EML6: variants seen among roughly 807,000 people sequenced by gnomAD.
EML6 encodes echinoderm microtubule-associated protein-like 6.
EML6 carries 154 observed loss-of-function variants against 240.1 expected under a neutral mutation model. That is an observed-to-expected ratio of 0.64 (90% confidence interval 0.56 to 0.73). The LOEUF (loss-of-function observed/expected upper bound fraction) is 0.73, where lower values mean the gene tolerates loss of function less well. Ranked by LOEUF, EML6 falls within the 30% of genes least tolerant of loss-of-function variation. EML6 has a pLI of 0.00. For missense variants in EML6, 2,964 were observed against 2,474.6 expected, an observed-to-expected ratio of 1.20 and a Z score of -4.20; for synonymous variants, 1,148 against 899.0, an observed-to-expected ratio of 1.28 and a Z score of -4.95.
chr2:54,896,117 C>A (rs1672750870), intron 21 of EML6, among the ~76,000 whole-genome samples: 1 of 152,160 alleles, frequency 6.6e-6, no homozygotes, highest in Admixed American at 6.5e-5. Context: ...ATGTCCCTAC[C>A]ACATACAGAA....
Position 54,909,331 on chromosome 2 carries a change from C to A in EML6, c.3410-1623C>A, listed in dbSNP as rs1007631875. Reference sequence around the variant, plus strand: ...ATTCTAAATAGTCAAAGATAACTAACTCCCTTTTTTCTTTTCTCACTTACA... The same window carrying A: ...ATTCTAAATAGTCAAAGATAACTAAATCCCTTTTTTCTTTTCTCACTTACA... On this transcript the variant is annotated intron_variant, in intron 24 of 41. Transcript: ENST00000356458. Among the ~76,000 whole-genome samples, 5 of 152,288 alleles carry A rather than the reference C, an allele frequency of 3.3e-5. No homozygotes were observed. The East Asian group carries it at 9.6e-4, about 29-fold the overall frequency.
intron 2 of EML6, among the ~76,000 whole-genome samples, chr2:54,810,776 T>G (rs1374233992): frequency 1.3e-5 from 2 of 152,140 alleles, no homozygotes; most frequent in East Asian, 3.9e-4. Flanking sequence ...TTTAGAGTGA[T>G]GGAAGACAGC....
intron 2 of EML6, among the ~76,000 whole-genome samples, chr2:54,736,016 C>T (rs1047569577): frequency 1.2e-4 from 18 of 152,184 alleles, no homozygotes; most frequent in African/African-American, 4.3e-4. Flanking sequence ...AGGGCAGGAA[C>T]AGCTTATGCA....
intron 30 of EML6, among the ~76,000 whole-genome samples, chr2:54,951,499 C>A (rs541564411): frequency 6.6e-6 from 1 of 151,446 alleles, no homozygotes; most frequent in African/African-American, 2.4e-5. Context: ...GAGCCAAGAT[C>A]GCGCCATTGC....
chr2:54,887,196 T>G (rs1672195122), intron 17 of EML6, among the ~76,000 whole-genome samples: 1 of 152,218 alleles, frequency 6.6e-6, no homozygotes, highest in African/African-American at 2.4e-5. Context: ...GATCCTTTCA[T>G]TATACAGCTC....
At chr2:54,886,669 A>T (rs1484342156) in intron 17 of EML6, among the ~76,000 whole-genome samples, 2 of 152,152 alleles carry the variant, frequency 1.3e-5, no homozygotes, top group South Asian at 2.1e-4. Context: ...GTATCTCATT[A>T]TGGTTTTCCT....
intron 18 of EML6, among the ~76,000 whole-genome samples, chr2:54,892,186 C>T (rs965348289): frequency 6.6e-6 from 1 of 152,146 alleles, no homozygotes; most frequent in Non-Finnish European, 1.5e-5. Flanking sequence ...CTCTGAGTTC[C>T]TTGAATACAG....
chr2:54,933,323 CCT>C (rs1184214486), intron 28 of EML6, among the ~76,000 whole-genome samples: 2 of 152,168 alleles, frequency 1.3e-5, no homozygotes, highest in Non-Finnish European at 2.9e-5. Context: ...AATCACTTCA[CCT>C]CTCTGTAATC....
chr2:54,882,871 A>AAAAAAAAAAAAAAAAAAAAAAAG lies in EML6; in HGVS notation c.2438+3234_2438+3235insAAAAAAAAAAAAAAAAAAAGAAA, dbSNP rs962733331. 4.0e-4 allele frequency: 51 copies of AAAAAAAAAAAAAAAAAAAAAAAG among 128,822 alleles called. 1 individual carries two copies. The highest frequency in any genetic ancestry group is 5.3e-4 in the African/African-American group (18 of 33,950). 8.0% of individuals were successfully genotyped at this position (128,822 alleles called of 1,614,324 possible). A position where few individuals can be genotyped will look rare whatever the true frequency, so the allele number is the denominator to read the frequency against. ...AGACTCCGTCTCAAAAAAAAAAAAA[A>AAAAAAAAAAAAAAAAAAAAAAAG]AAAGAAAGCTTAGGGACACACTAAG... On this transcript the variant is annotated intron_variant, in intron 17 of 41. Transcript: ENST00000356458.
intron 19 of EML6, 111 bp from the exon 20 acceptor site, chr2:54,894,804 A>G: frequency 1.6e-6 from 1 of 643,360 alleles, no homozygotes; most frequent in Non-Finnish European, 2.8e-6. Flanking sequence ...TCATATATTT[A>G]GGAAGGTAGC....
At chr2:54,948,731 G>A in intron 28 of EML6, 151 bp from the exon 29 acceptor site, 2 of 609,426 alleles carry the variant, frequency 3.3e-6, no homozygotes, top group East Asian at 2.8e-5. Context: ...GGGAGTGAGA[G>A]AGGAGGGCAG....
chr2:54,918,386 T>A (rs1372942351), intron 26 of EML6, among the ~76,000 whole-genome samples: 2 of 152,228 alleles, frequency 1.3e-5, no homozygotes, highest in East Asian at 1.9e-4. Flanking sequence ...TTTTGCTGTG[T>A]TTCCCAGGCT....
intron 2 of EML6, among the ~76,000 whole-genome samples, chr2:54,756,515 C>T (rs1350158386): frequency 1.3e-5 from 2 of 152,140 alleles, no homozygotes; most frequent in Non-Finnish European, 2.9e-5. Context: ...TTGTCATACA[C>T]AGCAGTTTCT....
intron 2 of EML6, among the ~76,000 whole-genome samples, chr2:54,744,905 T>TACACACACAC (rs56324677): frequency 0.012 from 1,308 of 107,212 alleles, 59 homozygotes; most frequent in East Asian, 0.057. Context: ...CACACACACG[T>TACACACACAC]ACACACACAC....
chr2:54,918,482 G>A (rs1674051378), intron 26 of EML6, among the ~76,000 whole-genome samples: 1 of 152,140 alleles, frequency 6.6e-6, no homozygotes, highest in Non-Finnish European at 1.5e-5. Flanking sequence ...CCCAGTAGCT[G>A]GGATTATGTG....
intron 21 of EML6, among the ~76,000 whole-genome samples, chr2:54,896,877 G>C (rs977248466): frequency 6.6e-6 from 1 of 152,162 alleles, no homozygotes; most frequent in Non-Finnish European, 1.5e-5. Context: ...ACAAGTCTGT[G>C]TTTTTAAAAG....
chr2:54,813,513 C>T (rs1442856728), intron 3 of EML6, 122 bp downstream of exon 3: 3 of 855,758 alleles, frequency 3.5e-6, no homozygotes, highest in East Asian at 5.4e-5. Flanking sequence ...GCACAGCCTC[C>T]TAGAATTTTT....
At chr2:54,763,854 GC>G (rs1195218894) in intron 2 of EML6, among the ~76,000 whole-genome samples, 3 of 152,160 alleles carry the variant, frequency 2.0e-5, no homozygotes, top group Non-Finnish European at 4.4e-5. Context: ...CTCTGATGCT[GC>G]CTTCAGGCTC....
chr2:54,834,693 G>A (rs1030383458), intron 7 of EML6, among the ~76,000 whole-genome samples: 2 of 152,092 alleles, frequency 1.3e-5, no homozygotes, highest in Admixed American at 6.5e-5. Context: ...TATAAACTCC[G>A]CATCCAGAAA....
Sources: allele counts gnomAD v4.1 joint callset (sites outside exome capture counted in the v4.1 genomes callset), GRCh38; gene constraint gnomAD v4.1.1; transcripts MANE v1.5; gene names NCBI Gene and HGNC (gene_info 2026-07-23, HGNC 2026-07-21).